Variants in SSMEM1 observed in about 807,000 individuals in gnomAD.
SSMEM1 encodes the protein serine-rich single-pass membrane protein 1.
Under a neutral mutation model 9.9 loss-of-function variants are expected in SSMEM1, and 12 were observed. That is an observed-to-expected ratio of 1.21 (90% CI 0.78 to 1.96). The LOEUF is 1.96. SSMEM1 is among the 30% of genes most tolerant of loss of function. The pLI is 0.00. For synonymous variants in SSMEM1, 96 were observed against 98.9 expected (o/e 0.97, Z 0.17); for missense variants, 259 against 292.2 (o/e 0.89, Z 0.83).
upstream of SSMEM1, among the ~76,000 whole-genome samples, chr7:130,206,341 C>T (rs1332490760): frequency 1.3e-5 from 2 of 152,202 alleles, no homozygotes; most frequent in African/African-American, 4.8e-5. Flanking sequence ...CCAGCTCTCG[C>T]GAGCTTCCTG....
intron 1 of SSMEM1, among the ~76,000 whole-genome samples, chr7:130,211,449 G>A (rs1183262447): frequency 1.3e-5 from 2 of 152,094 alleles, no homozygotes; most frequent in Admixed American, 6.6e-5. Flanking sequence ...ATGAGCCACC[G>A]TGTCTGGCCA....
intron 1 of SSMEM1, among the ~76,000 whole-genome samples, chr7:130,210,737 AC>A (rs1285955668): frequency 1.3e-5 from 2 of 152,244 alleles, no homozygotes; most frequent in Non-Finnish European, 2.9e-5. Context: ...TCACTGAGTC[AC>A]AAAGACAGTT....
At chr7:130,215,313 A>G (rs950429375) in intron 2 of SSMEM1, among the ~76,000 whole-genome samples, 1 of 152,200 alleles carries the variant, frequency 6.6e-6, no homozygotes, top group African/African-American at 2.4e-5. Context: ...CAAAAACAAA[A>G]AAAAACAAAA....
chr7:130,208,063 C>T lies in SSMEM1; in HGVS notation c.153C>T (p.Val51=). The change falls in exon 1 of 3, where the codon GTC becomes GTT. Residue 51 remains valine, a synonymous_variant. Coordinates refer to ENST00000297819, the MANE Select transcript of SSMEM1 (RefSeq NM_145268.4). The part of the protein sequence containing the change: ...FLLWYFVIVF[V]LMFFSRASVW... ...TTTGGTATTTTGTTATCGTATTTGT[C>T]CTGATGTTCTTCTCTAGGGCTTCTG... 1 of 1,613,804 alleles carries T rather than the reference C, an allele frequency of 6.2e-7. No homozygotes were observed. The highest frequency in any genetic ancestry group is 8.5e-7 in the Non-Finnish European group (1 of 1,179,890).
chr7:130,213,972 C>G (rs1798655336), intron 2 of SSMEM1, among the ~76,000 whole-genome samples: 1 of 152,136 alleles, frequency 6.6e-6, no homozygotes. Flanking sequence ...TAGCTCTCTC[C>G]CTTCACATTG....
intron 2 of SSMEM1, among the ~76,000 whole-genome samples, chr7:130,214,194 C>A (rs1011983444): frequency 3.9e-5 from 6 of 152,166 alleles, no homozygotes; most frequent in Non-Finnish European, 8.8e-5. Flanking sequence ...AGCAGGAGAA[C>A]TGCTTGAGGC....
chr7:130,212,200 T>C (rs1479201055), intron 1 of SSMEM1, among the ~76,000 whole-genome samples: 1 of 152,224 alleles, frequency 6.6e-6, no homozygotes, highest in African/African-American at 2.4e-5. Context: ...CAAATATATT[T>C]ATGGAGTATT....
chr7:130,211,814 G>A (rs1358863813), intron 1 of SSMEM1, among the ~76,000 whole-genome samples: 2 of 152,062 alleles, frequency 1.3e-5, no homozygotes, highest in Admixed American at 1.3e-4. Context: ...CGCTCAAGCT[G>A]TATATACAAA....
At chr7:130,212,198 T>C (rs1798604338) in intron 1 of SSMEM1, among the ~76,000 whole-genome samples, 1 of 152,210 alleles carries the variant, frequency 6.6e-6, no homozygotes, top group African/African-American at 2.4e-5. Flanking sequence ...GACAAATATA[T>C]TTATGGAGTA....
chr7:130,206,307 C>T (rs974579568), upstream of SSMEM1, among the ~76,000 whole-genome samples: 6 of 152,200 alleles, frequency 3.9e-5, no homozygotes, highest in East Asian at 5.8e-4. Flanking sequence ...CAGTGCTCCC[C>T]AAGGAGGCGC....
intron 1 of SSMEM1, among the ~76,000 whole-genome samples, chr7:130,211,099 GA>G (rs1798582398): frequency 1.3e-5 from 2 of 149,840 alleles, no homozygotes; most frequent in Admixed American, 1.3e-4. Flanking sequence ...TAACCTAAGT[GA>G]TACATATTAA....
At chr7:130,215,496 AT>A (rs1798687370) in intron 2 of SSMEM1, among the ~76,000 whole-genome samples, 1 of 152,192 alleles carries the variant, frequency 6.6e-6, no homozygotes, top group Admixed American at 6.5e-5. Context: ...ATTTTTAATA[AT>A]GGCTATGTTT....
At chr7:130,209,473 T>A (rs974991143) in intron 1 of SSMEM1, among the ~76,000 whole-genome samples, 5 of 152,282 alleles carry the variant, frequency 3.3e-5, no homozygotes, top group Non-Finnish European at 5.9e-5. Flanking sequence ...AGCTTATATG[T>A]GTCTTAGACT....
chr7:130,216,624 CA>C lies in SSMEM1; in HGVS notation c.*156del, dbSNP rs1372086448. ...GGAACCCAAGAGGTAAAATCTCACA[CA>C]ATTCTTCGTTCAAAAAAAAAAAGGC... On this transcript the variant is annotated 3_prime_UTR_variant, in exon 3 of 3. Coordinates refer to ENST00000297819, the MANE Select transcript of SSMEM1 (RefSeq NM_145268.4). 1 of 913,378 alleles carries C rather than the reference CA, an allele frequency of 1.1e-6. No individual in the cohort carries two copies. 56.6% of individuals were successfully genotyped at this position (913,378 alleles called of 1,614,324 possible). A position where few individuals can be genotyped will look rare whatever the true frequency, so the allele number is the denominator to read the frequency against.
upstream of SSMEM1, among the ~76,000 whole-genome samples, chr7:130,205,747 G>C (rs532858048): frequency 2.0e-5 from 3 of 152,352 alleles, no homozygotes; most frequent in African/African-American, 7.2e-5. Context: ...CTCACCGTAG[G>C]ATAGAGTGGC....
At chr7:130,205,544 A>G (rs1046134606), upstream of SSMEM1, 4 of 1,024,104 alleles carry the variant, frequency 3.9e-6, no homozygotes, top group South Asian at 4.1e-5. Flanking sequence ...GAGCGTTACC[A>G]GGGAAACAGG....
Position 130,216,117 on chromosome 7 carries a change from C to T in SSMEM1, c.382C>T (p.Arg128Ter), listed in dbSNP as rs138051879. ...ALVNAYPEQR[R>*]ARRQSQFNEV... is the part of the protein sequence containing the mutation. ...GGTCAATGCCTATCCTGAACAAAGA[C>T]GAGCCAGGCGCCAGTCTCAGTTCAA... Residue 128 changes from arginine to a stop codon, truncating the protein, a stop_gained, in exon 3 of 3, where the codon CGA becomes TGA. Transcript: ENST00000297819. LOFTEE classifies it low-confidence loss of function (END_TRUNC). 4.7e-5 allele frequency: 76 copies of T among 1,614,158 alleles called. No homozygotes were observed. In the Middle Eastern group the frequency reaches 4.9e-4, roughly 11 times the overall value.
chr7:130,215,332 C>A (rs1798684643), intron 2 of SSMEM1, among the ~76,000 whole-genome samples: 1 of 151,898 alleles, frequency 6.6e-6, no homozygotes, highest in African/African-American at 2.4e-5. Flanking sequence ...AACAAAAAAA[C>A]AGCATAGAGT....
chr7:130,209,923 G>A (rs529551318), intron 1 of SSMEM1, among the ~76,000 whole-genome samples: 27 of 152,190 alleles, frequency 1.8e-4, no homozygotes, highest in Non-Finnish European at 2.2e-4. Context: ...TCAGCTCTTG[G>A]GAGTCATACA....
Sources: allele counts gnomAD v4.1 joint callset (sites outside exome capture counted in the v4.1 genomes callset), GRCh38; gene constraint gnomAD v4.1.1; transcripts MANE v1.5; gene names NCBI Gene and HGNC (gene_info 2026-07-23, HGNC 2026-07-21).